Variants in TNPO1 observed in about 807,000 individuals in gnomAD.
The protein encoded by TNPO1 is transportin 1.
Under a neutral mutation model 119.5 loss-of-function variants are expected in TNPO1, and 8 were observed. The ratio of observed to expected loss-of-function variants is 0.07; its 90% confidence interval spans 0.04 to 0.12. TNPO1 has a LOEUF of 0.12. Ranked by LOEUF, TNPO1 falls within the 10% of genes least tolerant of loss-of-function variation. The probability of loss-of-function intolerance (pLI) is 1.00; values close to 1 mark genes in which losing one functional copy is unlikely to be tolerated. For synonymous variants in TNPO1, 362 were observed against 363.0 expected, an observed-to-expected ratio of 1.00 and a Z score of 0.03; for missense variants, 576 against 1,089.8, an observed-to-expected ratio of 0.53 and a Z score of 6.64.
Position 72,887,242 on chromosome 5 carries a change from G to C in TNPO1, c.1303+20G>C. On this transcript the variant is annotated intron_variant, in intron 12 of 24. Coordinates refer to ENST00000337273, the MANE Select transcript of TNPO1 (RefSeq NM_002270.4). ...CTGAAGGTAAGCCTAAGTCCAGTTT[G>C]AATTATGTAAGTTGGCTTCTTACTA... The C allele has an allele frequency of 8.5e-7, 1 of 1,180,894 alleles. No individual in the cohort carries two copies. Among genetic ancestry groups the C allele is most frequent in the East Asian group, 5.5e-5 (1 of 18,218 alleles). 73.2% of individuals were successfully genotyped at this position (1,180,894 alleles called of 1,614,324 possible). A position where few individuals can be genotyped will look rare whatever the true frequency, so the allele number is the denominator to read the frequency against.
At chr5:72,907,266 G>A (rs1234337348) in intron 24 of TNPO1, among the ~76,000 whole-genome samples, 1 of 152,116 alleles carries the variant, frequency 6.6e-6, no homozygotes, top group Non-Finnish European at 1.5e-5. Context: ...GCTTCAATGA[G>A]CTACTAACAA....
chr5:72,882,581 C>T (rs778142695), intron 10 of TNPO1, 54 bp downstream of exon 10: 9 of 1,323,440 alleles, frequency 6.8e-6, no homozygotes, highest in Non-Finnish European at 9.6e-6. Flanking sequence ...TGACTTAGTA[C>T]ATCTTTGGAT....
At chr5:72,898,346 G>A (rs1749587337) in intron 20 of TNPO1, among the ~76,000 whole-genome samples, 1 of 152,000 alleles carries the variant, frequency 6.6e-6, no homozygotes, top group African/African-American at 2.4e-5. Flanking sequence ...TTGTTACATA[G>A]TTTGTTTAAC....
intron 1 of TNPO1, among the ~76,000 whole-genome samples, chr5:72,839,577 G>A (rs1472132057): frequency 6.6e-6 from 1 of 152,140 alleles, no homozygotes; most frequent in Non-Finnish European, 1.5e-5. Context: ...ACTTTAAATA[G>A]TATGTTCTTA....
At chr5:72,870,862 A>AT (rs940309875) in intron 6 of TNPO1, among the ~76,000 whole-genome samples, 1 of 151,872 alleles carries the variant, frequency 6.6e-6, no homozygotes, top group East Asian at 1.9e-4. Context: ...ACTTTATTGT[A>AT]TTTTTTTTCC....
chr5:72,850,716 G>A (rs1195703643), intron 2 of TNPO1, among the ~76,000 whole-genome samples: 1 of 152,174 alleles, frequency 6.6e-6, no homozygotes, highest in East Asian at 1.9e-4. Context: ...ATCTCATAAT[G>A]CTGACTTTAT....
At chr5:72,839,928 A>G (rs1744837227) in intron 1 of TNPO1, among the ~76,000 whole-genome samples, 1 of 152,192 alleles carries the variant, frequency 6.6e-6, no homozygotes, top group African/African-American at 2.4e-5. Flanking sequence ...TGACAATGAG[A>G]TAACTAAAAG....
intron 6 of TNPO1, among the ~76,000 whole-genome samples, 155 bp downstream of exon 6, chr5:72,865,884 G>A (rs1291243920): frequency 3.3e-5 from 5 of 152,194 alleles, no homozygotes; most frequent in African/African-American, 1.2e-4. Flanking sequence ...GACTACTTCA[G>A]TAACAAAACC....
In TNPO1 at chr5:72,872,956, A is replaced by G. The variant is rs181512899; in HGVS notation, c.678+236A>G. Among the ~76,000 whole-genome samples the G allele has an allele frequency of 1.7e-3, 261 of 152,150 alleles. 2 individuals carry two copies. The highest frequency in any genetic ancestry group is 6.1e-3 in the African/African-American group (253 of 41,526). The stretch of plus-strand genomic sequence containing the variant: ...TACTTGTATCATTCTACAAACACTG[A>G]TTTTGGTGGCGGGGTATGTTTAGTA... On this transcript the variant is annotated intron_variant, in intron 7 of 24. Transcript: ENST00000337273.
intron 6 of TNPO1, among the ~76,000 whole-genome samples, chr5:72,868,469 A>G (rs1453372617): frequency 6.9e-6 from 1 of 145,462 alleles, no homozygotes. Flanking sequence ...ACACAAAATA[A>G]TATATCAGGC....
chr5:72,909,680 A>G lies in TNPO1; in HGVS notation c.*1007A>G, dbSNP rs1750428703. 1 of 152,614 alleles carries G rather than the reference A, an allele frequency of 6.6e-6. No homozygotes were observed. The highest frequency in any genetic ancestry group is 2.1e-4 in the South Asian group (1 of 4,836). The allele number at this position is 152,614 out of a possible 1,614,324, so 9.5% of individuals were successfully genotyped here. On this transcript the variant is annotated 3_prime_UTR_variant, in exon 25 of 25. Coordinates refer to ENST00000337273, the MANE Select transcript of TNPO1 (RefSeq NM_002270.4). The stretch of plus-strand genomic sequence containing the variant: ...GTGTTGCAGTTTACCAATTCAATAT[A>G]GCCCTGCATTTAAAGTTCCTTTTTA...
At chr5:72,824,759 A>G (rs1157692986) in intron 1 of TNPO1, among the ~76,000 whole-genome samples, 1 of 151,974 alleles carries the variant, frequency 6.6e-6, no homozygotes, top group Non-Finnish European at 1.5e-5. Context: ...GGCTTGAAAT[A>G]CCATGTAAAT....
chr5:72,844,965 A>C (rs997410072), intron 1 of TNPO1, among the ~76,000 whole-genome samples: 1 of 152,166 alleles, frequency 6.6e-6, no homozygotes, highest in Non-Finnish European at 1.5e-5. Flanking sequence ...TAGTCTTCTG[A>C]AAGTCCAAAA....
chr5:72,862,361 C>T (rs1278103888), intron 5 of TNPO1: 7 of 161,150 alleles, frequency 4.3e-5, no homozygotes, highest in Non-Finnish European at 6.7e-5. Context: ...CAGGGTCTCA[C>T]TCTGTTTCCC....
chr5:72,846,087 G>A (rs905893508), intron 1 of TNPO1, among the ~76,000 whole-genome samples: 1 of 152,234 alleles, frequency 6.6e-6, no homozygotes, highest in Non-Finnish European at 1.5e-5. Flanking sequence ...TTGTTGGCGT[G>A]TGTGAATTGC....
At chr5:72,897,633 TA>T (rs1439577407) in intron 20 of TNPO1, among the ~76,000 whole-genome samples, 5 of 147,356 alleles carry the variant, frequency 3.4e-5, no homozygotes, top group African/African-American at 9.9e-5. Flanking sequence ...TTTTTTAATT[TA>T]TTTTTTTTTT....
intron 1 of TNPO1, among the ~76,000 whole-genome samples, chr5:72,841,590 C>T (rs545893340): frequency 1.1e-4 from 16 of 152,132 alleles, no homozygotes; most frequent in Admixed American, 5.9e-4. Context: ...CCGCCCGCCT[C>T]GGCTTCCCAA....
chr5:72,863,257 AG>A (rs1286571921), intron 5 of TNPO1, among the ~76,000 whole-genome samples: 2 of 152,132 alleles, frequency 1.3e-5, no homozygotes, highest in Non-Finnish European at 2.9e-5. Flanking sequence ...GGTTGAAGGC[AG>A]GGCAGGCACA....
chr5:72,848,355 G>A (rs938291248), intron 1 of TNPO1, 30 bp from the exon 2 acceptor site: 4 of 1,601,098 alleles, frequency 2.5e-6, no homozygotes, highest in Admixed American at 3.4e-5. Context: ...CAGTTGCTCC[G>A]TCTCTTCCTG....
Sources: gnomAD v4.1 joint callset for allele counts (sites outside exome capture counted in the v4.1 genomes callset) on GRCh38, gnomAD v4.1.1 for gene constraint, MANE v1.5 for transcripts, NCBI Gene and HGNC (gene_info 2026-07-23, HGNC 2026-07-21) for gene names.